The following CHD8 variants were observed in gnomAD, a reference collection of about 807,000 sequenced individuals.
CHD8 encodes the protein ATP-dependent chromatin remodeler CHD8.
Under a neutral mutation model 279.2 loss-of-function variants are expected in CHD8, and 31 were observed. The ratio of observed to expected loss-of-function variants is 0.11; its 90% CI spans 0.08 to 0.15. The LOEUF (loss-of-function observed/expected upper bound fraction) is 0.15, where lower values mean the gene tolerates loss of function less well. Among genes scored for constraint, CHD8 ranks in the 10% least tolerant of loss-of-function variants. The pLI is 1.00. For synonymous variants in CHD8, 1,081 were observed against 1,139.6 expected (o/e 0.95, Z 1.04); for missense variants, 2,146 against 3,230.5 (o/e 0.66, Z 8.14).
At chr14:21,398,078 T>C in intron 26 of CHD8, 126 bp from the exon 27 acceptor site, 2 of 889,136 alleles carry the variant, frequency 2.2e-6, no homozygotes, top group Non-Finnish European at 3.3e-6. Context: ...AGTTAGAATG[T>C]TATCTTGGAC....
At chr14:21,435,280 T>A (rs1450214321) in intron 1 of CHD8, among the ~76,000 whole-genome samples, 4 of 152,186 alleles carry the variant, frequency 2.6e-5, no homozygotes, top group Non-Finnish European at 5.9e-5. Flanking sequence ...TCCAAGCCCA[T>A]CTATCTATAA....
rs373723960 is a variant in CHD8, at chr14:21,400,048, G to A, written c.4750C>T (p.Leu1584=). ...ATAACCTCCTGCCTCAGGTAGTATA[G>A]CATTCGTACCCGCAACAGTACCCTA... is the stretch of plus-strand genomic sequence containing the variant. ...CNKVLLRVRM[L]YYLRQEVIGD... is the part of the protein sequence containing the mutation. Residue 1584 remains leucine (L), a synonymous_variant, in exon 25 of 38, where the codon CTA becomes TTA. Coordinates refer to ENST00000646647, the MANE Select transcript of CHD8 (RefSeq NM_001170629.2). The surrounding 1 kb of genome is among the most constrained non-coding windows in gnomAD (Gnocchi z 4.2). 3.7e-6 allele frequency: 6 copies of A among 1,613,596 alleles called. No individual in the cohort carries two copies. The African/African-American group carries it at 6.7e-5, about 18-fold the overall frequency.
intron 26 of CHD8, chr14:21,398,940 A>T: frequency 2.4e-6 from 1 of 408,692 alleles, no homozygotes; most frequent in Non-Finnish European, 4.9e-6. Context: ...GATCTCTGTA[A>T]AGACCCTCAC....
At chr14:21,389,650 G>GA (rs1887439579) in intron 37 of CHD8, among the ~76,000 whole-genome samples, 1 of 152,122 alleles carries the variant, frequency 6.6e-6, no homozygotes. Context: ...AACTATTGCA[G>GA]AAAGTAAGGT....
intron 1 of CHD8, among the ~76,000 whole-genome samples, chr14:21,453,258 C>G (rs2139578195): frequency 6.6e-6 from 1 of 151,996 alleles, no homozygotes; most frequent in East Asian, 1.9e-4. Context: ...GAGTTAAAGA[C>G]CAGCCTGGCC....
rs577188697 is a variant in CHD8, at chr14:21,408,584, T to C, written c.2487-29A>G. The stretch of plus-strand genomic sequence containing the variant: ...CAGATTCACCATGGGAAAAAAAAAA[T>C]GTTAAAAGATACTATCTTTAAAAAA... On this transcript the variant is annotated intron_variant, in intron 12 of 37. Coordinates refer to ENST00000646647, the MANE Select transcript of CHD8 (RefSeq NM_001170629.2). This position sits in a 1 kb window ranked among gnomAD's most constrained non-coding sequence, Gnocchi z 4.3. The C allele has an allele frequency of 1.9e-6, 3 of 1,587,194 alleles. No individual in the cohort carries two copies. The highest frequency in any genetic ancestry group is 2.6e-6 in the Non-Finnish European group (3 of 1,167,032).
chr14:21,416,074 T>C (rs1444722551), intron 5 of CHD8, 167 bp from the exon 6 acceptor site: 2 of 576,948 alleles, frequency 3.5e-6, no homozygotes, highest in Non-Finnish European at 6.0e-6. Context: ...GATTATGCTA[T>C]GTACTGACCA....
chr14:21,391,085 A>T, intron 36 of CHD8, 22 bp from the exon 37 acceptor site: 1 of 1,393,792 alleles, frequency 7.2e-7, no homozygotes, highest in Non-Finnish European at 1.0e-6. Context: ...AAAATCAGTT[A>T]TCCTAGAGGA....
chr14:21,441,724 T>C (rs967320967), intron 1 of CHD8, among the ~76,000 whole-genome samples: 10 of 151,676 alleles, frequency 6.6e-5, no homozygotes, highest in Non-Finnish European at 1.2e-4. Context: ...CCGTCTCTAC[T>C]AAAAATACAA....
chr14:21,396,696 C>T (rs1277951811), intron 27 of CHD8: 1 of 152,302 alleles, frequency 6.6e-6, no homozygotes, highest in Non-Finnish European at 1.5e-5. Flanking sequence ...GCCTCAGCCT[C>T]CCAAGTAGCT....
chr14:21,455,634 C>G (rs902837487), intron 1 of CHD8, among the ~76,000 whole-genome samples: 2 of 152,228 alleles, frequency 1.3e-5, no homozygotes, highest in African/African-American at 4.8e-5. Context: ...GTAGAAAACC[C>G]TAACCACCTA....
At position 21,400,299 on chromosome 14, in the gene CHD8, T is replaced by C. The variant is rs1227806132; in HGVS notation, c.4579A>G (p.Ile1527Val). The C allele has an allele frequency of 6.2e-7, 1 of 1,613,910 alleles. No individual in the cohort carries two copies. The highest frequency in any genetic ancestry group is 1.1e-5 in the South Asian group (1 of 91,076). ...KELQNHSGLSIPVPRGRKGKK... is the reference protein window; with the variant it reads ...KELQNHSGLSVPVPRGRKGKK... Reference sequence around the variant, plus strand: ...CCTTTGCGTCCACGAGGCACAGGGATAGATAGACCTGGGAAAGGGGAGACA... The same window carrying C: ...CCTTTGCGTCCACGAGGCACAGGGACAGATAGACCTGGGAAAGGGGAGACA... The change falls in exon 24 of 38, where the codon ATC becomes GTC. Residue 1527 changes from isoleucine (I) to valine (V), a missense_variant. By Grantham distance (29) the Ile-to-Val change is conservative. This residue lies in a region of CHD8 where 73 missense variants were observed against 153.2 expected (regional missense o/e 0.48). Transcript: ENST00000646647. The surrounding 1 kb of genome is among the most constrained non-coding windows in gnomAD (Gnocchi z 4.2).
At chr14:21,390,376 C>G (rs1010737708) in intron 37 of CHD8, among the ~76,000 whole-genome samples, 1 of 152,166 alleles carries the variant, frequency 6.6e-6, no homozygotes, top group Non-Finnish European at 1.5e-5. Context: ...CTCTCTAACC[C>G]ATCTTACTAA....
chr14:21,399,332 A>C (rs1887931815), intron 26 of CHD8: 1 of 420,320 alleles, frequency 2.4e-6, no homozygotes, highest in African/African-American at 2.0e-5. Flanking sequence ...TTACCATAGC[A>C]TACAGTGCGG....
intron 30 of CHD8, 53 bp downstream of exon 30, chr14:21,394,859 T>C (rs1473088381): frequency 1.3e-6 from 2 of 1,549,684 alleles, no homozygotes; most frequent in African/African-American, 2.7e-5. Flanking sequence ...GCTTTCAGTA[T>C]AGGGACCATA....
rs547587617 is a variant in CHD8, at chr14:21,406,940, T to C, written c.2823A>G (p.Glu941=). 2.0e-5 allele frequency: 33 copies of C among 1,612,940 alleles called. 2 individuals carry two copies. Among genetic ancestry groups the C allele is most frequent in the African/African-American group, 1.3e-4 (10 of 75,014 alleles). Residue 941 remains glutamate, a synonymous_variant, in exon 14 of 38, where the codon GAA becomes GAG. Transcript: ENST00000646647. ...LSDCPELREI[E]WRCVIIDEAH... is the part of the protein sequence containing the mutation. Reference sequence around the variant, plus strand: ...CTTCATCAATGATAACACAACGCCATTCAATTTCACGAAGCTCAGGACAAT... The same window carrying C: ...CTTCATCAATGATAACACAACGCCACTCAATTTCACGAAGCTCAGGACAAT...
At chr14:21,437,386 C>T in intron 1 of CHD8, 1 of 476,288 alleles carries the variant, frequency 2.1e-6, no homozygotes, top group Non-Finnish European at 2.9e-6. Flanking sequence ...CTCCCTTCCC[C>T]CTCCCCCGCA....
intron 1 of CHD8, among the ~76,000 whole-genome samples, chr14:21,441,520 GA>G (rs1889960150): frequency 6.6e-6 from 1 of 152,176 alleles, no homozygotes; most frequent in Admixed American, 6.6e-5. Context: ...GACAAAGCCA[GA>G]AACACTTAAG....
intron 10 of CHD8, among the ~76,000 whole-genome samples, chr14:21,412,147 G>GT (rs1367656788): frequency 6.6e-6 from 1 of 151,692 alleles, no homozygotes; most frequent in Non-Finnish European, 1.5e-5. Context: ...CTGCTTTTTT[G>GT]TTTGTTTGTT....
Sources: allele counts gnomAD v4.1 joint callset (sites outside exome capture counted in the v4.1 genomes callset), GRCh38; gene constraint gnomAD v4.1.1; regional missense constraint gnomAD v4.1.1; non-coding constraint Gnocchi (gnomAD v3.1); transcripts MANE v1.5; gene names NCBI Gene and HGNC (gene_info 2026-07-23, HGNC 2026-07-21).